The following IMPACT variants were observed in gnomAD, a reference collection of about 807,000 sequenced individuals.
IMPACT encodes the protein protein IMPACT.
IMPACT carries 35 observed loss-of-function variants against 47.5 expected under a neutral mutation model. The ratio of observed to expected loss-of-function variants is 0.74; its 90% CI spans 0.56 to 0.98. The LOEUF is 0.98. Among genes scored for constraint, IMPACT ranks in the 50% least tolerant of loss-of-function variants. The probability of loss-of-function intolerance (pLI) is 0.00; values close to 1 mark genes in which losing one functional copy is unlikely to be tolerated. For synonymous variants in IMPACT, 118 were observed against 125.6 expected (o/e 0.94, Z 0.40); for missense variants, 373 against 394.8 (o/e 0.94, Z 0.47).
chr18:24,431,068 C>T (rs1908743676), intron 4 of IMPACT, among the ~76,000 whole-genome samples: 1 of 152,074 alleles, frequency 6.6e-6, no homozygotes, highest in African/African-American at 2.4e-5. Context: ...AACAGAAGTG[C>T]CCTTTTTCAT....
intron 4 of IMPACT, among the ~76,000 whole-genome samples, chr18:24,432,097 C>T (rs943790607): frequency 1.3e-5 from 2 of 152,196 alleles, no homozygotes; most frequent in Middle Eastern, 3.2e-3. Flanking sequence ...AGCAGTTCTC[C>T]TGCCTTGGCC....
intron 8 of IMPACT, among the ~76,000 whole-genome samples, chr18:24,446,506 A>G (rs1007537692): frequency 6.6e-6 from 1 of 152,210 alleles, no homozygotes; most frequent in Non-Finnish European, 1.5e-5. Context: ...AAAAATACGC[A>G]AATTTGTAAG....
chr18:24,432,947 T>C (rs1908795085), intron 4 of IMPACT, among the ~76,000 whole-genome samples: 1 of 152,058 alleles, frequency 6.6e-6, no homozygotes, highest in Non-Finnish European at 1.5e-5. Context: ...CTATCCCCTA[T>C]CCCAAAAGTC....
intron 7 of IMPACT, among the ~76,000 whole-genome samples, chr18:24,443,831 C>T (rs1396818493): frequency 6.6e-6 from 1 of 152,194 alleles, no homozygotes; most frequent in Admixed American, 6.5e-5. Flanking sequence ...CTCCTTTCAG[C>T]AGAATCCTTT....
chr18:24,447,675 TA>T (rs1332504797), intron 8 of IMPACT, among the ~76,000 whole-genome samples: 1 of 152,212 alleles, frequency 6.6e-6, no homozygotes, highest in Non-Finnish European at 1.5e-5. Flanking sequence ...CACTACATCT[TA>T]AGGCTCTTTG....
rs146494463 is a variant in IMPACT, at chr18:24,437,253, G to A, written c.282-702G>A. On this transcript the variant is annotated intron_variant, in intron 4 of 10. Coordinates refer to ENST00000284202, the MANE Select transcript of IMPACT (RefSeq NM_018439.4). ...TCTTTTTCTAAAGAGCAGACACTTG[G>A]GCCTTTATTTTATTGCTGCTACCAT... Among the ~76,000 whole-genome samples the A allele has an allele frequency of 8.1e-3, 1,228 of 152,108 alleles. 17 individuals are homozygous for A. Among genetic ancestry groups the A allele is most frequent in the African/African-American group, 0.028 (1,154 of 41,480 alleles).
At chr18:24,442,218 A>C (rs1909135093) in intron 6 of IMPACT, among the ~76,000 whole-genome samples, 1 of 151,082 alleles carries the variant, frequency 6.6e-6, no homozygotes, top group South Asian at 2.1e-4. Flanking sequence ...CAATGGCACA[A>C]ACTCGGCTCA....
At chr18:24,442,117 T>G (rs577527824) in intron 6 of IMPACT, among the ~76,000 whole-genome samples, 2 of 151,754 alleles carry the variant, frequency 1.3e-5, no homozygotes, top group Non-Finnish European at 2.9e-5. Flanking sequence ...GACGATTAAG[T>G]CTCTCAACAG....
rs1357194853 is a variant in IMPACT, at chr18:24,452,122, A to G, written c.*1275A>G. ...GGCAACTTTGGGATGGTGCTAGAGC[A>G]TGGAAAGCACAGAGAATTGGACAAA... On this transcript the variant is annotated 3_prime_UTR_variant, in exon 11 of 11. Coordinates refer to ENST00000284202, the MANE Select transcript of IMPACT (RefSeq NM_018439.4). 6.6e-6 allele frequency: 1 copy of G among 152,214 alleles called. No individual in the cohort carries two copies. Among genetic ancestry groups the G allele is most frequent in the African/African-American group, 2.4e-5 (1 of 41,462 alleles). 9.4% of individuals were successfully genotyped at this position (152,214 alleles called of 1,614,324 possible).
At chr18:24,437,280 A>G (rs199560503) in intron 4 of IMPACT, among the ~76,000 whole-genome samples, 2 of 152,316 alleles carry the variant, frequency 1.3e-5, no homozygotes, top group East Asian at 3.9e-4. Flanking sequence ...TGCTACCATC[A>G]TTTAACATAA....
intron 9 of IMPACT, 37 bp downstream of exon 9, chr18:24,448,220 A>C: frequency 7.1e-7 from 1 of 1,416,524 alleles, no homozygotes; most frequent in Non-Finnish European, 9.9e-7. Context: ...TGTTCTGTAC[A>C]AGCCATAAAA....
At chr18:24,448,571 C>T (rs1217198834) in intron 9 of IMPACT, among the ~76,000 whole-genome samples, 1 of 151,396 alleles carries the variant, frequency 6.6e-6, no homozygotes, top group African/African-American at 2.4e-5. Context: ...AGTTGTCCAT[C>T]TCATTGTCTT....
At chr18:24,431,240 C>T (rs1447143655) in intron 4 of IMPACT, among the ~76,000 whole-genome samples, 3 of 152,026 alleles carry the variant, frequency 2.0e-5, no homozygotes, top group Non-Finnish European at 4.4e-5. Flanking sequence ...GCTTGTTTGA[C>T]TTAAAAGTGG....
At chr18:24,450,039 A>G in intron 10 of IMPACT, 86 bp downstream of exon 10, 5 of 1,401,640 alleles carry the variant, frequency 3.6e-6, no homozygotes, top group Non-Finnish European at 5.0e-6. Flanking sequence ...AGAATGAATC[A>G]GAATGTGAGT....
chr18:24,432,673 CCT>C (rs1908787252), intron 4 of IMPACT, among the ~76,000 whole-genome samples: 2 of 151,854 alleles, frequency 1.3e-5, no homozygotes, highest in Non-Finnish European at 2.9e-5. Flanking sequence ...TTTCTATAAT[CCT>C]CTCATATTTG....
chr18:24,448,800 A>T (rs1455537798), intron 9 of IMPACT, among the ~76,000 whole-genome samples: 1 of 151,798 alleles, frequency 6.6e-6, no homozygotes, highest in Non-Finnish European at 1.5e-5. Context: ...CCCTAAAAAA[A>T]TTTTTCCTGG....
chr18:24,430,508 A>C (rs1207537821), intron 4 of IMPACT, 124 bp downstream of exon 4: 1 of 628,472 alleles, frequency 1.6e-6, no homozygotes, highest in African/African-American at 1.8e-5. Context: ...CTTTAACAAA[A>C]AGGACTCACT....
intron 3 of IMPACT, among the ~76,000 whole-genome samples, chr18:24,429,781 AAT>A (rs1491551776): frequency 6.7e-6 from 1 of 149,352 alleles, no homozygotes; most frequent in African/African-American, 2.4e-5. Context: ...CCTTTTAAGA[AAT>A]TTTTTTTTTT....
At chr18:24,439,898 G>C (rs901371146) in intron 5 of IMPACT, among the ~76,000 whole-genome samples, 1 of 152,124 alleles carries the variant, frequency 6.6e-6, no homozygotes, top group African/African-American at 2.4e-5. Flanking sequence ...CTTTCTCTTT[G>C]TAGCTTGAGG....
Sources: gnomAD v4.1 joint callset for allele counts (sites outside exome capture counted in the v4.1 genomes callset) on GRCh38, gnomAD v4.1.1 for gene constraint, MANE v1.5 for transcripts, NCBI Gene and HGNC (gene_info 2026-07-23, HGNC 2026-07-21) for gene names.